SLC45A3: variants seen among roughly 807,000 people sequenced by gnomAD.
The protein encoded by SLC45A3 is prostate cancer associated protein 2.
In SLC45A3, 17 loss-of-function variants were observed where a neutral mutation model predicts 35.3. The observed-to-expected ratio is 0.48, with a 90% CI of 0.33 to 0.72. SLC45A3 has a LOEUF of 0.72. Among genes scored for constraint, SLC45A3 ranks in the 30% least tolerant of loss-of-function variants. The probability of loss-of-function intolerance (pLI) is 0.02; values close to 1 mark genes in which losing one functional copy is unlikely to be tolerated. For missense variants in SLC45A3, 597 were observed against 731.7 expected, an observed-to-expected ratio of 0.82 and a Z score of 2.12; for synonymous variants, 288 against 334.3, an observed-to-expected ratio of 0.86 and a Z score of 1.51.
At chr1:205,673,422 C>T (rs1671249889) in intron 1 of SLC45A3, among the ~76,000 whole-genome samples, 1 of 152,180 alleles carries the variant, frequency 6.6e-6, no homozygotes, top group East Asian at 1.9e-4. Flanking sequence ...AATGGCTTTC[C>T]TCCTACTGAA....
chr1:205,670,001 C>T (rs1671183098), intron 1 of SLC45A3, among the ~76,000 whole-genome samples: 1 of 152,090 alleles, frequency 6.6e-6, no homozygotes, highest in Non-Finnish European at 1.5e-5. Context: ...CTGGGGGTTC[C>T]CCAGCCCTCC....
At chr1:205,660,726 C>A (rs916483872) in intron 4 of SLC45A3, among the ~76,000 whole-genome samples, 1 of 152,210 alleles carries the variant, frequency 6.6e-6, no homozygotes, top group South Asian at 2.1e-4. Context: ...AGATGGCTAG[C>A]CCCAGAACGT....
At chr1:205,661,347 ATT>A (rs1177865931) in intron 4 of SLC45A3, among the ~76,000 whole-genome samples, 1 of 152,204 alleles carries the variant, frequency 6.6e-6, no homozygotes, top group Non-Finnish European at 1.5e-5. Flanking sequence ...AGAAAAGGGA[ATT>A]AGACAGAAAA....
intron 4 of SLC45A3, 79 bp downstream of exon 4, chr1:205,661,782 C>T: frequency 6.5e-7 from 1 of 1,536,058 alleles, no homozygotes; most frequent in South Asian, 1.3e-5. Context: ...TTGCCAGATA[C>T]CAGGTTCTGA....
intron 1 of SLC45A3, among the ~76,000 whole-genome samples, chr1:205,678,531 T>C (rs890567331): frequency 6.6e-6 from 1 of 152,100 alleles, no homozygotes; most frequent in Non-Finnish European, 1.5e-5. Context: ...TGGAATGGGC[T>C]CAGGAGACCA....
chr1:205,661,939 G>A lies in SLC45A3; in HGVS notation c.1146C>T (p.Ala382=), dbSNP rs770050479. The change falls in exon 4 of 5, where the codon GCC becomes GCT. Residue 382 remains alanine, a synonymous_variant. Coordinates refer to ENST00000367145, the MANE Select transcript of SLC45A3 (RefSeq NM_033102.3). ...SHSVAVVTAS[A]ALTGFTFSAL... The stretch of plus-strand genomic sequence containing the variant: ...CTGAGAAGGTGAACCCGGTGAGGGC[G>A]GCTGAAGCTGTCACCACGGCCACAC... 1.8e-5 allele frequency: 29 copies of A among 1,614,076 alleles called. No individual in the cohort carries two copies. Among genetic ancestry groups the A allele is most frequent in the African/African-American group, 4.0e-5 (3 of 74,924 alleles).
Position 205,659,788 on chromosome 1 carries a change from G to T in SLC45A3, c.1225-117C>A. On this transcript the variant is annotated intron_variant, in intron 4 of 4. Coordinates refer to ENST00000367145, the MANE Select transcript of SLC45A3 (RefSeq NM_033102.3). This position sits in a 1 kb window ranked among gnomAD's most constrained non-coding sequence, Gnocchi z 5.8. ...TCCCAGGGGCAATGGGACTTCATGAGAATCAGGAGCAGGAGAGAAGATGGA... is the reference window on the plus strand; with the variant it reads ...TCCCAGGGGCAATGGGACTTCATGATAATCAGGAGCAGGAGAGAAGATGGA... 1.0e-6 allele frequency: 1 copy of T among 958,456 alleles called. No individual in the cohort carries two copies. Among genetic ancestry groups the T allele is most frequent in the Non-Finnish European group, 1.5e-6 (1 of 671,996 alleles). The allele number at this position is 958,456 out of a possible 1,614,324, so 59.4% of individuals were successfully genotyped here.
At chr1:205,665,626 C>G (rs761896704) in intron 1 of SLC45A3, among the ~76,000 whole-genome samples, 1 of 152,168 alleles carries the variant, frequency 6.6e-6, no homozygotes, top group Non-Finnish European at 1.5e-5. Flanking sequence ...CCTGGCAATA[C>G]CTGTAATGAT....
At chr1:205,678,762 T>G (rs572225792) in intron 1 of SLC45A3, among the ~76,000 whole-genome samples, 53 of 152,312 alleles carry the variant, frequency 3.5e-4, no homozygotes, top group Admixed American at 9.8e-4. Flanking sequence ...CTGAGCACTT[T>G]CAGAACAACA....
In SLC45A3 at chr1:205,669,289, G is replaced by C. The variant is rs1192102907; in HGVS notation, c.-230-4403C>G. Among the ~76,000 whole-genome samples the C allele has an allele frequency of 1.3e-5, 2 of 152,188 alleles. No homozygotes were observed. Among genetic ancestry groups the C allele is most frequent in the African/African-American group, 4.8e-5 (2 of 41,444 alleles). ...CCAAAAAGGGAGTTTTGGGGGAAAT[G>C]AAACTGAGCAACAGGAACAAACTTG... On this transcript the variant is annotated intron_variant, in intron 1 of 4. Coordinates refer to ENST00000367145, the MANE Select transcript of SLC45A3 (RefSeq NM_033102.3). The surrounding 1 kb of genome is among the most constrained non-coding windows in gnomAD (Gnocchi z 4.1).
chr1:205,672,684 T>C (rs1369366164), intron 1 of SLC45A3, among the ~76,000 whole-genome samples: 1 of 152,180 alleles, frequency 6.6e-6, no homozygotes, highest in Non-Finnish European at 1.5e-5. Context: ...TGCTCTGAAC[T>C]GGGAGCCAGG....
At position 205,666,404 on chromosome 1, in the gene SLC45A3, A is replaced by G. The variant is rs1237400192; in HGVS notation, c.-230-1518T>C. Among the ~76,000 whole-genome samples, 3 of 152,284 alleles carry G rather than the reference A, an allele frequency of 2.0e-5. No individual in the cohort carries two copies. Among genetic ancestry groups the G allele is most frequent in the East Asian group, 1.9e-4 (1 of 5,188 alleles). ...GCACCTGTGGTCCCAGCTACTTAAGAGGCTGAGATGGGAGGATTGCTTGAG... is the reference window on the plus strand; with the variant it reads ...GCACCTGTGGTCCCAGCTACTTAAGGGGCTGAGATGGGAGGATTGCTTGAG... On this transcript the variant is annotated intron_variant, in intron 1 of 4. Coordinates refer to ENST00000367145, the MANE Select transcript of SLC45A3 (RefSeq NM_033102.3). This position sits in a 1 kb window ranked among gnomAD's most constrained non-coding sequence, Gnocchi z 4.1.
At chr1:205,668,849 C>T (rs1319865453) in intron 1 of SLC45A3, among the ~76,000 whole-genome samples, 1 of 152,152 alleles carries the variant, frequency 6.6e-6, no homozygotes, top group Non-Finnish European at 1.5e-5. Context: ...CTCTGGGAAC[C>T]TTTCTGGAGC....
In SLC45A3 at chr1:205,676,985, C is replaced by T. The variant is rs150372705; in HGVS notation, c.-231+3409G>A. The stretch of plus-strand genomic sequence containing the variant: ...GGGTTTTTTTCTGGACACCAAAGAA[C>T]AGTGCAAAAGATCCTAAGGGTTGGG... On this transcript the variant is annotated intron_variant, in intron 1 of 4. Transcript: ENST00000367145. Among the ~76,000 whole-genome samples, 1,120 of 152,294 alleles carry T rather than the reference C, an allele frequency of 7.4e-3. 17 individuals are homozygous for T. Among genetic ancestry groups the T allele is most frequent in the African/African-American group, 0.026 (1,073 of 41,548 alleles).
intron 1 of SLC45A3, among the ~76,000 whole-genome samples, chr1:205,677,607 A>C (rs1417587834): frequency 6.6e-6 from 1 of 152,208 alleles, no homozygotes; most frequent in Non-Finnish European, 1.5e-5. Flanking sequence ...CAATCTCTCA[A>C]CGGACTCCCC....
chr1:205,664,855 C>T lies in SLC45A3; in HGVS notation c.-199G>A, dbSNP rs111407522. Reference sequence around the variant, plus strand: ...GCTCAACACCTGCTGCTGTGGGGCACCTCAGTGGGGACACGTCTCATCACT... The same window carrying T: ...GCTCAACACCTGCTGCTGTGGGGCATCTCAGTGGGGACACGTCTCATCACT... On this transcript the variant is annotated 5_prime_UTR_variant, in exon 2 of 5. The change creates a new upstream start codon in the 5' untranslated region. Transcript: ENST00000367145. The surrounding 1 kb of genome is among the most constrained non-coding windows in gnomAD (Gnocchi z 5.3). The T allele has an allele frequency of 0.021, 30,415 of 1,418,734 alleles. 463 individuals carry two copies. The highest frequency in any genetic ancestry group is 0.07 in the African/African-American group (4,878 of 69,498). 87.9% of individuals were successfully genotyped at this position (1,418,734 alleles called of 1,614,324 possible).
Position 205,664,838 on chromosome 1 carries a change from C to T in SLC45A3, c.-182G>A. 7.0e-7 allele frequency: 1 copy of T among 1,426,140 alleles called. No homozygotes were observed. The highest frequency in any genetic ancestry group is 2.5e-5 in the East Asian group (1 of 39,674). The allele number at this position is 1,426,140 out of a possible 1,614,324, so 88.3% of individuals were successfully genotyped here. ...CCAGCTTCTCAGCCCATGCTCAACA[C>T]CTGCTGCTGTGGGGCACCTCAGTGG... On this transcript the variant is annotated 5_prime_UTR_variant, in exon 2 of 5. In the 5' UTR this introduces an upstream ATG that the reference lacks. Coordinates refer to ENST00000367145, the MANE Select transcript of SLC45A3 (RefSeq NM_033102.3). This position sits in a 1 kb window ranked among gnomAD's most constrained non-coding sequence, Gnocchi z 5.3.
intron 1 of SLC45A3, among the ~76,000 whole-genome samples, chr1:205,668,308 C>T (rs980074189): frequency 2.6e-5 from 4 of 152,066 alleles, no homozygotes; most frequent in Non-Finnish European, 5.9e-5. Flanking sequence ...TCCAGCTGCT[C>T]GCCATCCCCG....
chr1:205,663,779 TACAGATGCCCCCATTTTCAGATGG>T (rs996162434), intron 2 of SLC45A3, among the ~76,000 whole-genome samples, 161 bp from the exon 3 acceptor site: 90 of 152,272 alleles, frequency 5.9e-4, no homozygotes, highest in African/African-American at 2.1e-3. Context: ...ACACAGGCAT[TACAGATGCCCCCATTTTCAGATGG>T]ACAAACTGAG....
Sources: allele counts gnomAD v4.1 joint callset (sites outside exome capture counted in the v4.1 genomes callset), GRCh38; gene constraint gnomAD v4.1.1; non-coding constraint Gnocchi (gnomAD v3.1); transcripts MANE v1.5; gene names NCBI Gene and HGNC (gene_info 2026-07-23, HGNC 2026-07-21).